The following ENOX1 variants were observed in gnomAD, a reference collection of about 807,000 sequenced individuals.
ENOX1 encodes candidate growth-related and time keeping constitutive hydroquinone (NADH) oxidase.
A neutral mutation model predicts 82.5 loss-of-function variants in ENOX1; 42 were observed. The observed-to-expected ratio is 0.51, with a 90% CI of 0.40 to 0.66. The LOEUF is 0.66. Among genes scored for constraint, ENOX1 ranks in the 30% least tolerant of loss-of-function variants. ENOX1 has a pLI of 0.00. For missense variants in ENOX1, 608 were observed against 811.6 expected (o/e 0.75, Z 3.05); for synonymous variants, 271 against 282.2 (o/e 0.96, Z 0.40).
chr13:43,320,340 A>T (rs2047734801), intron 11 of ENOX1, among the ~76,000 whole-genome samples: 1 of 152,202 alleles, frequency 6.6e-6, no homozygotes, highest in Non-Finnish European at 1.5e-5. Flanking sequence ...GGCATACAAC[A>T]TGCCCTGCAC....
chr13:43,629,950 C>T (rs2083131984), intron 2 of ENOX1, among the ~76,000 whole-genome samples: 1 of 152,162 alleles, frequency 6.6e-6, no homozygotes, highest in African/African-American at 2.4e-5. Context: ...GCCTCCTCCA[C>T]TTAACAAAAG....
intron 2 of ENOX1, among the ~76,000 whole-genome samples, chr13:43,551,141 C>T (rs1044281010): frequency 5.9e-5 from 9 of 152,140 alleles, no homozygotes; most frequent in African/African-American, 2.2e-4. Flanking sequence ...ATTACAGATG[C>T]TGTTTCAAGA....
At chr13:43,250,371 G>C (rs1448577923) in intron 14 of ENOX1, among the ~76,000 whole-genome samples, 1 of 152,150 alleles carries the variant, frequency 6.6e-6, no homozygotes, top group African/African-American at 2.4e-5. Context: ...TCTCTTCATT[G>C]GGCATGTGCT....
At chr13:43,597,498 G>T (rs1227025970) in intron 2 of ENOX1, among the ~76,000 whole-genome samples, 1 of 152,164 alleles carries the variant, frequency 6.6e-6, no homozygotes, top group Non-Finnish European at 1.5e-5. Context: ...AATCAGGCTA[G>T]CTCTGGCACA....
chr13:43,639,510 C>A (rs937069899), intron 2 of ENOX1, among the ~76,000 whole-genome samples: 1 of 152,010 alleles, frequency 6.6e-6, no homozygotes, highest in Non-Finnish European at 1.5e-5. Context: ...TATCAATAGA[C>A]CTGGATTGAA....
At chr13:43,562,999 G>T (rs974552684) in intron 2 of ENOX1, among the ~76,000 whole-genome samples, 2 of 152,044 alleles carry the variant, frequency 1.3e-5, no homozygotes, top group Admixed American at 6.6e-5. Flanking sequence ...AATCAACAAA[G>T]AAACATCAGA....
At chr13:43,560,523 A>G (rs1486965457) in intron 2 of ENOX1, among the ~76,000 whole-genome samples, 1 of 151,474 alleles carries the variant, frequency 6.6e-6, no homozygotes, top group East Asian at 1.9e-4. Flanking sequence ...TGGCTGTTAT[A>G]TTTTTCTTTG....
intron 2 of ENOX1, among the ~76,000 whole-genome samples, chr13:43,636,462 CT>C (rs2083418942): frequency 6.6e-6 from 1 of 152,178 alleles, no homozygotes; most frequent in Admixed American, 6.5e-5. Flanking sequence ...CTTACAGGGT[CT>C]TGATTTTCTC....
At chr13:43,747,665 G>A (rs758754474) in intron 1 of ENOX1, among the ~76,000 whole-genome samples, 18 of 152,204 alleles carry the variant, frequency 1.2e-4, no homozygotes, top group Non-Finnish European at 2.5e-4. Context: ...GGCAATGAAG[G>A]CGATTCCAGA....
At chr13:43,727,273 G>C (rs1369128227) in intron 1 of ENOX1, among the ~76,000 whole-genome samples, 2 of 152,154 alleles carry the variant, frequency 1.3e-5, no homozygotes, top group Non-Finnish European at 2.9e-5. Context: ...GTGGGAATAA[G>C]AGACCAACAT....
intron 2 of ENOX1, among the ~76,000 whole-genome samples, chr13:43,655,057 T>C (rs1394572916): frequency 1.3e-5 from 2 of 152,116 alleles, no homozygotes; most frequent in Admixed American, 6.6e-5. Flanking sequence ...TGCTCATCCA[T>C]ACACTCAGAC....
chr13:43,726,824 C>T (rs1164751932), intron 1 of ENOX1, among the ~76,000 whole-genome samples: 1 of 151,990 alleles, frequency 6.6e-6, no homozygotes, highest in Non-Finnish European at 1.5e-5. Context: ...TCACTGCAAC[C>T]TCTGCCTCCC....
At chr13:43,766,485 G>A (rs867525897) in intron 1 of ENOX1, among the ~76,000 whole-genome samples, 2 of 152,066 alleles carry the variant, frequency 1.3e-5, no homozygotes, top group Non-Finnish European at 2.9e-5. Context: ...TCCTAGCCAC[G>A]CACTCAAGCC....
chr13:43,571,246 G>A (rs143313575), intron 2 of ENOX1, among the ~76,000 whole-genome samples: 1 of 152,330 alleles, frequency 6.6e-6, no homozygotes, highest in East Asian at 1.9e-4. Flanking sequence ...GGTCACAGAT[G>A]TAAGTCACAT....
At chr13:43,776,896 G>A (rs909870999) in intron 1 of ENOX1, among the ~76,000 whole-genome samples, 14 of 152,084 alleles carry the variant, frequency 9.2e-5, no homozygotes, top group Non-Finnish European at 1.6e-4. Context: ...GTAAAACACA[G>A]CAAGCCAGCT....
At chr13:43,548,751 C>T (rs1426208431) in intron 2 of ENOX1, among the ~76,000 whole-genome samples, 2 of 152,144 alleles carry the variant, frequency 1.3e-5, no homozygotes, top group African/African-American at 4.8e-5. Context: ...GACGGGACGA[C>T]CCAAGGTGCG....
At chr13:43,253,700 G>A (rs1479463290) in intron 14 of ENOX1, among the ~76,000 whole-genome samples, 1 of 152,190 alleles carries the variant, frequency 6.6e-6, no homozygotes, top group Non-Finnish European at 1.5e-5. Flanking sequence ...TAAGAGGAAG[G>A]GGAGTTCACC....
chr13:43,681,195 T>G (rs1439552376), intron 1 of ENOX1, among the ~76,000 whole-genome samples: 1 of 152,164 alleles, frequency 6.6e-6, no homozygotes, highest in Non-Finnish European at 1.5e-5. Context: ...TTTATACTTT[T>G]GTTTTATAGA....
At chr13:43,778,557 A>G (rs186722779) in intron 1 of ENOX1, among the ~76,000 whole-genome samples, 1 of 150,332 alleles carries the variant, frequency 6.7e-6, no homozygotes, top group East Asian at 2.0e-4. Flanking sequence ...CCTCTTCGCC[A>G]AGAGCAAGGG....
Sources: gnomAD v4.1 joint callset for allele counts (sites outside exome capture counted in the v4.1 genomes callset) on GRCh38, gnomAD v4.1.1 for gene constraint, MANE v1.5 for transcripts, NCBI Gene and HGNC (gene_info 2026-07-23, HGNC 2026-07-21) for gene names.